Variants in CACNB4 observed in about 807,000 individuals in gnomAD.
CACNB4 encodes the protein voltage-dependent L-type calcium channel subunit beta-4.
In CACNB4, 32 loss-of-function variants were observed where a neutral mutation model predicts 71.2. The observed-to-expected ratio is 0.45, with a 90% CI of 0.34 to 0.60. The LOEUF is 0.60. CACNB4 is among the 20% of genes least tolerant of loss of function. The probability of loss-of-function intolerance (pLI) is 0.01; values close to 1 mark genes in which losing one functional copy is unlikely to be tolerated. For synonymous variants in CACNB4, 231 were observed against 236.9 expected, an observed-to-expected ratio of 0.97 and a Z score of 0.23; for missense variants, 464 against 647.9, an observed-to-expected ratio of 0.72 and a Z score of 3.08.
At chr2:152,099,130 C>A, upstream of CACNB4, 2 of 588,714 alleles carry the variant, frequency 3.4e-6, no homozygotes, top group Non-Finnish European at 2.9e-6. Context: ...CCAGGACCCG[C>A]GCCGGCGCCC....
At chr2:152,066,888 G>A (rs1330069097) in intron 2 of CACNB4, among the ~76,000 whole-genome samples, 52 of 145,598 alleles carry the variant, frequency 3.6e-4, no homozygotes, top group East Asian at 1.0e-3. Flanking sequence ...GTAAACTACC[G>A]CAAGAACAAA....
intron 2 of CACNB4, among the ~76,000 whole-genome samples, chr2:152,055,125 T>A (rs1685658043): frequency 6.6e-6 from 1 of 152,096 alleles, no homozygotes; most frequent in Non-Finnish European, 1.5e-5. Context: ...GATTCTCATG[T>A]CTCAGCCTCC....
intron 2 of CACNB4, among the ~76,000 whole-genome samples, chr2:152,085,813 T>TAAAAAAAAAAAA (rs765391237): frequency 8.8e-6 from 1 of 113,898 alleles, no homozygotes; most frequent in Non-Finnish European, 1.9e-5. Flanking sequence ...CTGCAGCCAT[T>TAAAAAAAAAAAA]AAAAAAAAAA....
chr2:152,085,545 C>T (rs555079377), intron 2 of CACNB4, among the ~76,000 whole-genome samples: 60 of 152,192 alleles, frequency 3.9e-4, no homozygotes, highest in Middle Eastern at 3.4e-3. Flanking sequence ...CTCATCCTCC[C>T]ACTCCTACCT....
chr2:152,017,205 T>C (rs541597125), intron 2 of CACNB4, among the ~76,000 whole-genome samples: 31 of 150,188 alleles, frequency 2.1e-4, no homozygotes, highest in South Asian at 4.1e-4. Flanking sequence ...TTCCTGGGTC[T>C]TCCATCCAGA....
At chr2:151,920,291 C>A in intron 2 of CACNB4, among the ~76,000 whole-genome samples, 2 of 141,586 alleles carry the variant, frequency 1.4e-5, no homozygotes, top group African/African-American at 5.3e-5. Flanking sequence ...CTTTACCAGT[C>A]TAGAGTCTTT....
intron 2 of CACNB4, among the ~76,000 whole-genome samples, chr2:152,071,041 C>T (rs1417323088): frequency 2.0e-5 from 3 of 152,272 alleles, no homozygotes; most frequent in Non-Finnish European, 4.4e-5. Flanking sequence ...GCTGAGATTA[C>T]AGGCGTGAGC....
intron 2 of CACNB4, among the ~76,000 whole-genome samples, chr2:151,982,017 C>A (rs1190989096): frequency 6.6e-6 from 1 of 152,050 alleles, no homozygotes; most frequent in Non-Finnish European, 1.5e-5. Context: ...TTAGTCTTAG[C>A]CCTCAGGTTG....
intron 2 of CACNB4, among the ~76,000 whole-genome samples, chr2:151,980,713 C>T (rs1405249038): frequency 1.3e-5 from 2 of 152,114 alleles, no homozygotes; most frequent in African/African-American, 4.8e-5. Flanking sequence ...GCTAAGAAAA[C>T]CCAGAACATG....
At chr2:152,003,781 T>A (rs192038536) in intron 2 of CACNB4, among the ~76,000 whole-genome samples, 142 of 152,062 alleles carry the variant, frequency 9.3e-4, no homozygotes, top group African/African-American at 1.6e-3. Flanking sequence ...ATTTTTAAGT[T>A]AGTTGAGGAT....
intron 13 of CACNB4, among the ~76,000 whole-genome samples, chr2:151,840,986 C>G (rs1338578726): frequency 6.6e-6 from 1 of 152,110 alleles, no homozygotes; most frequent in Non-Finnish European, 1.5e-5. Flanking sequence ...AGTGCAATAC[C>G]AGAACAGCAG....
At chr2:151,942,637 T>C (rs1170125148) in intron 2 of CACNB4, among the ~76,000 whole-genome samples, 2 of 150,676 alleles carry the variant, frequency 1.3e-5, no homozygotes, top group Non-Finnish European at 2.9e-5. Context: ...AAGATATTGC[T>C]AAATTCTTTT....
chr2:151,946,425 C>A (rs887597273), intron 2 of CACNB4, among the ~76,000 whole-genome samples: 2 of 152,074 alleles, frequency 1.3e-5, no homozygotes, highest in Admixed American at 6.5e-5. Context: ...CAGTCCCAGG[C>A]AAACCCTGAT....
intron 2 of CACNB4, among the ~76,000 whole-genome samples, chr2:151,884,467 C>CA (rs35007488): frequency 0.28 from 32,439 of 116,970 alleles, 4,329 homozygotes; most frequent in Middle Eastern, 0.4. Context: ...ACTAAAAATA[C>CA]AAAAAAAAAA....
At chr2:152,083,718 C>T (rs1687495510) in intron 2 of CACNB4, among the ~76,000 whole-genome samples, 1 of 152,198 alleles carries the variant, frequency 6.6e-6, no homozygotes, top group South Asian at 2.1e-4. Context: ...TTTCTGTTTG[C>T]TTGCAATGAA....
chr2:152,047,808 T>C (rs924614079), intron 2 of CACNB4, among the ~76,000 whole-genome samples: 3 of 152,050 alleles, frequency 2.0e-5, no homozygotes, highest in Non-Finnish European at 4.4e-5. Flanking sequence ...CTGAGGCAGG[T>C]GAATTGCTTG....
intron 2 of CACNB4, among the ~76,000 whole-genome samples, chr2:152,023,311 G>A (rs541996006): frequency 2.6e-5 from 4 of 152,174 alleles, no homozygotes; most frequent in East Asian, 3.9e-4. Context: ...ATTACAATTC[G>A]AGATGAGATT....
chr2:151,983,714 G>C (rs1006358287), intron 2 of CACNB4, among the ~76,000 whole-genome samples: 62 of 89,706 alleles, frequency 6.9e-4, no homozygotes, highest in African/African-American at 1.5e-3. Context: ...CACACACACA[G>C]GGCTTTGCAA....
At chr2:152,090,798 C>A (rs941872296) in intron 2 of CACNB4, among the ~76,000 whole-genome samples, 8 of 152,094 alleles carry the variant, frequency 5.3e-5, no homozygotes, top group Non-Finnish European at 8.8e-5. Context: ...GTAATCCTAG[C>A]ACTTTGGGTG....
Sources: gnomAD v4.1 joint callset for allele counts (sites outside exome capture counted in the v4.1 genomes callset) on GRCh38, gnomAD v4.1.1 for gene constraint, MANE v1.5 for transcripts, NCBI Gene and HGNC (gene_info 2026-07-23, HGNC 2026-07-21) for gene names.